SPARC: variants seen among roughly 807,000 people sequenced by gnomAD.
SPARC encodes basement-membrane protein 40.
In SPARC, 23 loss-of-function variants were observed where a neutral mutation model predicts 37.7. That is an observed-to-expected ratio of 0.61 (90% confidence interval 0.44 to 0.87). The LOEUF is 0.87. SPARC is among the 40% of genes least tolerant of loss of function. The pLI, the probability that SPARC is intolerant of heterozygous loss-of-function variation, is 0.00. For synonymous variants in SPARC, 155 were observed against 150.8 expected (o/e 1.03, Z -0.20); for missense variants, 312 against 389.0 (o/e 0.80, Z 1.66).
In SPARC at chr5:151,667,459, C is replaced by A. The variant is rs1760649230; in HGVS notation, c.585+8G>T. ...CACGGGGCCAGCAAGGCCAGAGAGACCACTTACCCGCAGCTTCTGCTTCTC... is the reference window on the plus strand; with the variant it reads ...CACGGGGCCAGCAAGGCCAGAGAGAACACTTACCCGCAGCTTCTGCTTCTC... On this transcript the variant is annotated splice_region_variant and intron_variant, in intron 7 of 9. Transcript: ENST00000231061. The A allele has an allele frequency of 6.2e-7, 1 of 1,614,152 alleles. No individual in the cohort carries two copies.
intron 1 of SPARC, among the ~76,000 whole-genome samples, chr5:151,684,622 A>T (rs76612109): frequency 6.6e-6 from 1 of 151,800 alleles, no homozygotes; most frequent in African/African-American, 2.4e-5. Context: ...AAAAAAAAAA[A>T]AGCTGAGAAT....
intron 8 of SPARC, 40 bp from the exon 9 acceptor site, chr5:151,664,275 A>G (rs1416654676): frequency 6.3e-7 from 1 of 1,596,178 alleles, no homozygotes; most frequent in Non-Finnish European, 8.5e-7. Flanking sequence ...AGGCATGGAA[A>G]AGCTCCACAC....
chr5:151,666,756 C>T (rs1234714562), intron 7 of SPARC, among the ~76,000 whole-genome samples: 1 of 151,354 alleles, frequency 6.6e-6, no homozygotes, highest in Non-Finnish European at 1.5e-5. Flanking sequence ...GCCGGGCACA[C>T]ACTCACACCT....
intron 5 of SPARC, among the ~76,000 whole-genome samples, chr5:151,669,994 G>A (rs1006520428): frequency 5.3e-5 from 8 of 152,168 alleles, no homozygotes; most frequent in African/African-American, 1.7e-4. Context: ...GAGAGCCATC[G>A]ATGGTCTCTG....
intron 1 of SPARC, among the ~76,000 whole-genome samples, chr5:151,680,547 C>T (rs1760965403): frequency 6.6e-6 from 1 of 152,078 alleles, no homozygotes; most frequent in African/African-American, 2.4e-5. Context: ...TTTTAATCAA[C>T]TTAAATCTAA....
At chr5:151,686,713 C>T (rs1333960421) in intron 1 of SPARC, 152 bp downstream of exon 1, 1 of 152,318 alleles carries the variant, frequency 6.6e-6, no homozygotes, top group Non-Finnish European at 1.5e-5. Flanking sequence ...GGACCGAGGG[C>T]CATGCTCTTA....
chr5:151,674,304 G>A (rs908828511), intron 3 of SPARC, among the ~76,000 whole-genome samples: 7 of 152,086 alleles, frequency 4.6e-5, no homozygotes, highest in East Asian at 3.8e-4. Context: ...ATGAGCCACC[G>A]CACCCGGCCT....
At chr5:151,674,006 G>GTA (rs759819350) in intron 3 of SPARC, among the ~76,000 whole-genome samples, 2 of 132,586 alleles carry the variant, frequency 1.5e-5, no homozygotes, top group Admixed American at 8.2e-5. Flanking sequence ...GTGTGTGTGT[G>GTA]TGCTTGTTTG....
At chr5:151,669,900 G>A in intron 5 of SPARC, 116 bp from the exon 6 acceptor site, 1 of 1,410,678 alleles carries the variant, frequency 7.1e-7, no homozygotes. Context: ...AATGTCATTA[G>A]CCTGAGGTCA....
chr5:151,663,700 G>T, intron 9 of SPARC, 101 bp from the exon 10 acceptor site: 2 of 1,203,210 alleles, frequency 1.7e-6, no homozygotes, highest in Non-Finnish European at 2.4e-6. Context: ...AGGGGCAGGG[G>T]TCTAGGTGGC....
chr5:151,675,105 T>C (rs1760828121), intron 2 of SPARC, among the ~76,000 whole-genome samples: 1 of 152,174 alleles, frequency 6.6e-6, no homozygotes, highest in Non-Finnish European at 1.5e-5. Context: ...TATTAGGCAA[T>C]TTTTCTTGCC....
At chr5:151,666,157 T>C (rs1760614372) in intron 8 of SPARC, among the ~76,000 whole-genome samples, 1 of 152,238 alleles carries the variant, frequency 6.6e-6, no homozygotes, top group Non-Finnish European at 1.5e-5. Context: ...CTACTGACTT[T>C]CACCTCAGCA....
At chr5:151,667,714 C>T in intron 6 of SPARC, 114 bp from the exon 7 acceptor site, 1 of 1,186,212 alleles carries the variant, frequency 8.4e-7, no homozygotes, top group Non-Finnish European at 1.2e-6. Flanking sequence ...CACAGTGGCT[C>T]AACCTCTCCA....
intron 6 of SPARC, 103 bp downstream of exon 6, chr5:151,669,561 T>A: frequency 7.4e-7 from 1 of 1,353,430 alleles, no homozygotes; most frequent in South Asian, 1.4e-5. Context: ...GGGAGAGAGA[T>A]TTGCCCAAGA....
rs6579885 is a variant in SPARC, at chr5:151,671,928, G to C, written c.209-234C>G. ...CTTGAGATAGAGGTCAGGCACTTCT[G>C]GGGGGCTGGAGGCTCAGTCTGGGAC... is the stretch of plus-strand genomic sequence containing the variant. On this transcript the variant is annotated intron_variant, in intron 4 of 9. Transcript: ENST00000231061. The C allele has an allele frequency of 0.11, 54,798 of 501,086 alleles. 5,757 individuals are homozygous for C. Among genetic ancestry groups the C allele is most frequent in the African/African-American group, 0.41 (20,259 of 48,920 alleles). The allele number at this position is 501,086 out of a possible 1,614,324, so 31.0% of individuals were successfully genotyped here. A position where few individuals can be genotyped will look rare whatever the true frequency, so the allele number is the denominator to read the frequency against.
intron 6 of SPARC, among the ~76,000 whole-genome samples, chr5:151,668,128 C>T (rs979864095): frequency 1.3e-5 from 2 of 150,996 alleles, no homozygotes; most frequent in African/African-American, 4.9e-5. Context: ...CTTTTCTTTT[C>T]CTTTTCTTTT....
Position 151,662,308 on chromosome 5 carries a change from T to C in SPARC, c.*1263A>G, listed in dbSNP as rs1386275874. The C allele has an allele frequency of 1.3e-5, 1 of 75,198 alleles. No individual in the cohort carries two copies. Among genetic ancestry groups the C allele is most frequent in the East Asian group, 3.3e-4 (1 of 2,996 alleles). 4.7% of individuals were successfully genotyped at this position (75,198 alleles called of 1,614,324 possible). A position where few individuals can be genotyped will look rare whatever the true frequency, so the allele number is the denominator to read the frequency against. Reference sequence around the variant, plus strand: ...CGGTGTGTGTGTACAGGTGTGTGTGTGCAAAAGCATAATGTGTTTGCAAAG... The same window carrying C: ...CGGTGTGTGTGTACAGGTGTGTGTGCGCAAAAGCATAATGTGTTTGCAAAG... On this transcript the variant is annotated 3_prime_UTR_variant, in exon 10 of 10. Coordinates refer to ENST00000231061, the MANE Select transcript of SPARC (RefSeq NM_003118.4).
chr5:151,684,012 T>A (rs1343514746), intron 1 of SPARC, among the ~76,000 whole-genome samples: 2 of 152,198 alleles, frequency 1.3e-5, no homozygotes, highest in African/African-American at 2.4e-5. Flanking sequence ...TTACCTCACA[T>A]CCTCAGCTCT....
chr5:151,665,555 T>C (rs1032389991), intron 8 of SPARC, among the ~76,000 whole-genome samples: 50 of 152,186 alleles, frequency 3.3e-4, no homozygotes, highest in African/African-American at 1.2e-3. Context: ...TGTGATGCTC[T>C]GCTTCCACAA....
Sources: allele counts gnomAD v4.1 joint callset (sites outside exome capture counted in the v4.1 genomes callset), GRCh38; gene constraint gnomAD v4.1.1; transcripts MANE v1.5; gene names NCBI Gene and HGNC (gene_info 2026-07-23, HGNC 2026-07-21).